The following RHOBTB3 variants were observed in gnomAD, a reference collection of about 807,000 sequenced individuals.
The protein encoded by RHOBTB3 is Rho related BTB domain containing 3.
Under a neutral mutation model 67.2 loss-of-function variants are expected in RHOBTB3, and 47 were observed. The ratio of observed to expected loss-of-function variants is 0.70; its 90% confidence interval spans 0.55 to 0.89. RHOBTB3 has a LOEUF of 0.89. Among genes scored for constraint, RHOBTB3 ranks in the 40% least tolerant of loss-of-function variants. RHOBTB3 has a pLI of 0.00. For missense variants in RHOBTB3, 631 were observed against 750.0 expected (o/e 0.84, Z 1.85); for synonymous variants, 273 against 274.2 (o/e 1.00, Z 0.04).
chr5:95,784,029 A>T, intron 10 of RHOBTB3, 66 bp downstream of exon 10: 1 of 1,295,602 alleles, frequency 7.7e-7, no homozygotes, highest in Middle Eastern at 2.8e-4. Context: ...ATACTATTTT[A>T]AAATTTATCA....
intron 2 of RHOBTB3, 56 bp from the exon 3 acceptor site, chr5:95,736,833 T>A (rs1755464105): frequency 8.6e-7 from 1 of 1,157,178 alleles, no homozygotes; most frequent in Non-Finnish European, 1.2e-6. Context: ...ATAAATTATT[T>A]CAGGATTGAT....
At chr5:95,776,596 AT>A (rs1745890677) in intron 8 of RHOBTB3, among the ~76,000 whole-genome samples, 1 of 152,164 alleles carries the variant, frequency 6.6e-6, no homozygotes, top group South Asian at 2.1e-4. Context: ...CTAAATGAGA[AT>A]GGAATCTATG....
upstream of RHOBTB3, among the ~76,000 whole-genome samples, chr5:95,730,401 G>A (rs1003134269): frequency 6.6e-6 from 1 of 152,174 alleles, no homozygotes; most frequent in Non-Finnish European, 1.5e-5. Flanking sequence ...AGTAATCCCT[G>A]GCCCATTTTG....
chr5:95,762,120 T>TCATCCC (rs1205826189), intron 6 of RHOBTB3, among the ~76,000 whole-genome samples: 30 of 152,332 alleles, frequency 2.0e-4, no homozygotes, highest in African/African-American at 6.3e-4. Flanking sequence ...GTTGTGTTTA[T>TCATCCC]CATCCCCATT....
At chr5:95,738,779 C>T (rs950081513) in intron 3 of RHOBTB3, among the ~76,000 whole-genome samples, 1 of 152,018 alleles carries the variant, frequency 6.6e-6, no homozygotes, top group Admixed American at 6.5e-5. Context: ...TAAGACACCA[C>T]TTATGTCCTC....
Position 95,783,875 on chromosome 5 carries a change from T to C in RHOBTB3, c.1535T>C (p.Leu512Pro). ...QVSRLQHICE[L>P]FIITQLQSMP... ...TCCAGACTGCAGCACATCTGTGAGC[T>C]GTTCATCATTACCCAGCTGCAGAGC... The change falls in exon 10 of 12, where the codon CTG becomes CCG. Residue 512 changes from leucine (L) to proline (P), a missense_variant. Transcript: ENST00000379982. 1 of 1,614,042 alleles carries C rather than the reference T, an allele frequency of 6.2e-7. No homozygotes were observed. Among genetic ancestry groups the C allele is most frequent in the African/African-American group, 1.3e-5 (1 of 75,030 alleles).
intron 1 of RHOBTB3, among the ~76,000 whole-genome samples, chr5:95,724,857 G>A (rs1323205364): frequency 6.6e-6 from 1 of 152,096 alleles, no homozygotes; most frequent in Non-Finnish European, 1.5e-5. Context: ...AGCACTTAAT[G>A]TAATGCCTGG....
At chr5:95,763,802 TTGTGTGTGTGTGTGTG>T (rs60736311) in intron 7 of RHOBTB3, among the ~76,000 whole-genome samples, 182 bp downstream of exon 7, 2 of 148,862 alleles carry the variant, frequency 1.3e-5, no homozygotes, top group Non-Finnish European at 3.0e-5. Context: ...GTATCTTAGA[TTGTGTGTGTGTGTGTG>T]TGTGTGTGTG....
chr5:95,741,813 A>G (rs919742085), intron 3 of RHOBTB3, among the ~76,000 whole-genome samples: 12 of 152,228 alleles, frequency 7.9e-5, no homozygotes, highest in African/African-American at 2.2e-4. Context: ...TGATGTTTCT[A>G]TCGTTCTTCC....
chr5:95,762,025 G>A (rs960122371), intron 6 of RHOBTB3, among the ~76,000 whole-genome samples: 8 of 152,196 alleles, frequency 5.3e-5, no homozygotes, highest in Non-Finnish European at 1.2e-4. Flanking sequence ...AGGAAGGGGA[G>A]CAATCAGTGA....
chr5:95,753,468 T>TTGTA (rs1168951079), intron 5 of RHOBTB3, among the ~76,000 whole-genome samples: 2 of 152,210 alleles, frequency 1.3e-5, no homozygotes, highest in Admixed American at 1.3e-4. Flanking sequence ...TATCAGAATT[T>TTGTA]TCTGCATGAT....
intron 7 of RHOBTB3, among the ~76,000 whole-genome samples, chr5:95,767,544 G>A (rs1745583051): frequency 6.6e-6 from 1 of 152,086 alleles, no homozygotes; most frequent in Non-Finnish European, 1.5e-5. Flanking sequence ...TGCTATGTTG[G>A]CCAGGCTGGT....
At chr5:95,773,399 G>A (rs1198281204) in intron 8 of RHOBTB3, among the ~76,000 whole-genome samples, 2 of 152,196 alleles carry the variant, frequency 1.3e-5, no homozygotes, top group African/African-American at 4.8e-5. Context: ...GGATCTGGGA[G>A]CAGCTTCTCT....
upstream of RHOBTB3, among the ~76,000 whole-genome samples, chr5:95,728,372 C>T (rs1416717411): frequency 6.6e-6 from 1 of 152,172 alleles, no homozygotes; most frequent in Non-Finnish European, 1.5e-5. Flanking sequence ...TGATGTCTGT[C>T]CAGTTCTTTG....
chr5:95,724,622 C>T (rs976312884), intron 1 of RHOBTB3, among the ~76,000 whole-genome samples: 5 of 152,286 alleles, frequency 3.3e-5, no homozygotes, highest in African/African-American at 7.2e-5. Context: ...CCCACCACCA[C>T]GCCCGGCTAA....
chr5:95,784,697 A>G (rs1213388266), intron 10 of RHOBTB3, among the ~76,000 whole-genome samples: 1 of 152,210 alleles, frequency 6.6e-6, no homozygotes, highest in Admixed American at 6.5e-5. Flanking sequence ...ATAAACTAGG[A>G]CTACTGTGTT....
intron 3 of RHOBTB3, among the ~76,000 whole-genome samples, chr5:95,737,978 T>TGTA (rs1755493738): frequency 6.6e-6 from 1 of 152,246 alleles, no homozygotes; most frequent in Non-Finnish European, 1.5e-5. Context: ...TTATATGGTA[T>TGTA]GTAGTAGTGC....
chr5:95,719,563 T>G (rs1341803614), intron 1 of RHOBTB3: 3 of 152,238 alleles, frequency 2.0e-5, no homozygotes, highest in South Asian at 2.1e-4. Flanking sequence ...GCTCTGGAGA[T>G]TCCAAGTTTT....
chr5:95,766,596 TA>T (rs534051950), intron 7 of RHOBTB3, among the ~76,000 whole-genome samples: 1,641 of 115,776 alleles, frequency 0.014, 7 homozygotes, highest in East Asian at 0.052. Context: ...GACTAAAATT[TA>T]AAAAAAAAAA....
Sources: gnomAD v4.1 joint callset for allele counts (sites outside exome capture counted in the v4.1 genomes callset) on GRCh38, gnomAD v4.1.1 for gene constraint, MANE v1.5 for transcripts, NCBI Gene and HGNC (gene_info 2026-07-23, HGNC 2026-07-21) for gene names.